The following AFF3 variants were observed in gnomAD, a reference collection of about 807,000 sequenced individuals.
AFF3 encodes the protein AF4/FMR2 family member 3.
AFF3 carries 32 observed loss-of-function variants against 129.7 expected under a neutral mutation model. The observed-to-expected ratio is 0.25, with a 90% CI of 0.19 to 0.33. AFF3 has a LOEUF of 0.33. Among genes scored for constraint, AFF3 ranks in the 10% least tolerant of loss-of-function variants. The pLI is 1.00. For synonymous variants in AFF3, 644 were observed against 635.4 expected, an observed-to-expected ratio of 1.01 and a Z score of -0.20; for missense variants, 1,373 against 1,592.0, an observed-to-expected ratio of 0.86 and a Z score of 2.34.
At chr2:99,593,063 G>A in intron 15 of AFF3, 132 bp downstream of exon 15, 1 of 974,414 alleles carries the variant, frequency 1.0e-6, no homozygotes, top group Non-Finnish European at 1.5e-6. Flanking sequence ...TGTTAGGTAA[G>A]GACACACAAA....
intron 4 of AFF3, among the ~76,000 whole-genome samples, chr2:100,066,321 T>A (rs1169569281): frequency 6.6e-6 from 1 of 152,152 alleles, no homozygotes; most frequent in East Asian, 1.9e-4. Flanking sequence ...GAGAGTAGAA[T>A]ACTTTGGAGG....
At chr2:99,717,200 G>A (rs1426669717) in intron 11 of AFF3, among the ~76,000 whole-genome samples, 1 of 152,160 alleles carries the variant, frequency 6.6e-6, no homozygotes, top group African/African-American at 2.4e-5. Flanking sequence ...ATTCTTGCAC[G>A]AATCTTTTTA....
chr2:100,005,371 A>T (rs913806499), intron 7 of AFF3, among the ~76,000 whole-genome samples: 2 of 152,202 alleles, frequency 1.3e-5, no homozygotes, highest in African/African-American at 4.8e-5. Flanking sequence ...GTCAATTGAG[A>T]TTGAAATAAT....
intron 7 of AFF3, among the ~76,000 whole-genome samples, chr2:99,950,967 T>C (rs1332619098): frequency 1.3e-5 from 2 of 152,194 alleles, no homozygotes; most frequent in Non-Finnish European, 2.9e-5. Flanking sequence ...TTTATCAAAT[T>C]TGGTGTCCAC....
chr2:99,832,022 G>C (rs945924597), intron 8 of AFF3, among the ~76,000 whole-genome samples: 1 of 152,216 alleles, frequency 6.6e-6, no homozygotes, highest in South Asian at 2.1e-4. Context: ...ATCTACATTT[G>C]ACGTACTTGC....
At chr2:99,971,697 A>G (rs561784318) in intron 7 of AFF3, among the ~76,000 whole-genome samples, 83 of 152,342 alleles carry the variant, frequency 5.4e-4, no homozygotes, top group African/African-American at 1.9e-3. Flanking sequence ...CATAAAATAT[A>G]ATTTGAAGGG....
At chr2:99,760,608 A>C (rs1575897044) in intron 8 of AFF3, among the ~76,000 whole-genome samples, 1 of 151,962 alleles carries the variant, frequency 6.6e-6, no homozygotes, top group Non-Finnish European at 1.5e-5. Context: ...CATGGTCCTC[A>C]CCCCTGCCTG....
chr2:99,896,047 T>G (rs1427680745), intron 7 of AFF3, among the ~76,000 whole-genome samples: 2 of 124,540 alleles, frequency 1.6e-5, no homozygotes, highest in African/African-American at 6.5e-5. Flanking sequence ...CCAGTCTGAG[T>G]GACAGAGTGA....
intron 11 of AFF3, among the ~76,000 whole-genome samples, chr2:99,687,895 T>C (rs1314196126): frequency 6.6e-6 from 1 of 152,050 alleles, no homozygotes; most frequent in Non-Finnish European, 1.5e-5. Context: ...CAGGCTGGAG[T>C]GCAGCGGCGT....
At chr2:99,578,005 A>T (rs1433405507) in intron 18 of AFF3, among the ~76,000 whole-genome samples, 2 of 152,250 alleles carry the variant, frequency 1.3e-5, no homozygotes, top group African/African-American at 2.4e-5. Flanking sequence ...CTAGTAGCAT[A>T]AAACCGCCAA....
At chr2:99,744,059 A>AC (rs1167765513) in intron 10 of AFF3, 45 bp downstream of exon 10, 4 of 1,319,140 alleles carry the variant, frequency 3.0e-6, no homozygotes, top group African/African-American at 3.1e-5. Flanking sequence ...CTCTGCCCCC[A>AC]CCCCCTGCTC....
At chr2:99,598,254 G>A (rs1028419416) in intron 14 of AFF3, among the ~76,000 whole-genome samples, 8 of 152,046 alleles carry the variant, frequency 5.3e-5, no homozygotes, top group African/African-American at 1.9e-4. Flanking sequence ...TTTCCTCCAC[G>A]TAATATATAT....
chr2:100,034,410 T>C (rs1684749761), intron 4 of AFF3, among the ~76,000 whole-genome samples: 2 of 152,200 alleles, frequency 1.3e-5, no homozygotes, highest in Non-Finnish European at 1.5e-5. Context: ...ATCAGTTGAA[T>C]AGACTTACTC....
chr2:99,692,600 G>A (rs1675787808), intron 11 of AFF3, among the ~76,000 whole-genome samples: 1 of 152,102 alleles, frequency 6.6e-6, no homozygotes, highest in Non-Finnish European at 1.5e-5. Flanking sequence ...TCCTTCCTCT[G>A]CCAATTCAAA....
intron 16 of AFF3, among the ~76,000 whole-genome samples, chr2:99,583,594 A>G (rs1001769621): frequency 1.3e-5 from 2 of 152,140 alleles, no homozygotes; most frequent in Admixed American, 6.6e-5. Context: ...ATGTTGCCCA[A>G]GCTGGTCTCG....
intron 2 of AFF3, among the ~76,000 whole-genome samples, chr2:100,119,850 A>T (rs1174825404): frequency 6.6e-6 from 1 of 152,218 alleles, no homozygotes; most frequent in East Asian, 1.9e-4. Context: ...TGCATTATGG[A>T]GGAAGCCATT....
At chr2:99,596,865 A>G (rs957738181) in intron 14 of AFF3, among the ~76,000 whole-genome samples, 2 of 152,156 alleles carry the variant, frequency 1.3e-5, no homozygotes, top group Non-Finnish European at 2.9e-5. Context: ...TGAAGTACCC[A>G]CTTTCAACAC....
intron 7 of AFF3, among the ~76,000 whole-genome samples, chr2:99,914,914 A>G (rs1224029151): frequency 1.3e-5 from 2 of 152,048 alleles, no homozygotes; most frequent in African/African-American, 4.8e-5. Flanking sequence ...AAAAATAAAT[A>G]CATTAATTAA....
chr2:99,777,947 CAAAAAAAAAA>C (rs576434643), intron 8 of AFF3, among the ~76,000 whole-genome samples: 1 of 48,340 alleles, frequency 2.1e-5, no homozygotes, highest in African/African-American at 7.3e-5. Context: ...AAAGCAAAAG[CAAAAAAAAAA>C]AAAAAAAAAA....
Sources: gnomAD v4.1 joint callset for allele counts (sites outside exome capture counted in the v4.1 genomes callset) on GRCh38, gnomAD v4.1.1 for gene constraint, MANE v1.5 for transcripts, NCBI Gene and HGNC (gene_info 2026-07-23, HGNC 2026-07-21) for gene names.